The following KCNIP1 variants were observed in gnomAD, a reference collection of about 807,000 sequenced individuals.
The protein encoded by KCNIP1 is potassium voltage-gated channel interacting protein 1, also known as A-type potassium channel modulatory protein KCNIP1.
KCNIP1 carries 18 observed loss-of-function variants against 33.0 expected under a neutral mutation model. The observed-to-expected ratio is 0.55, with a 90% CI of 0.38 to 0.81. The LOEUF is 0.81. Ranked by LOEUF, KCNIP1 falls within the 30% of genes least tolerant of loss-of-function variation. The pLI, the probability that KCNIP1 is intolerant of heterozygous loss-of-function variation, is 0.00. For missense variants in KCNIP1, 238 were observed against 271.6 expected (o/e 0.88, Z 0.87); for synonymous variants, 93 against 98.3 (o/e 0.95, Z 0.32).
At chr5:170,389,210 C>T (rs1276244370) in intron 1 of KCNIP1, 4 of 152,254 alleles carry the variant, frequency 2.6e-5, no homozygotes, top group Non-Finnish European at 4.4e-5. Flanking sequence ...CCCTCCAGCC[C>T]GGTCTTCAGA....
At chr5:170,379,052 A>T in intron 1 of KCNIP1, 1 of 1,523,318 alleles carries the variant, frequency 6.6e-7, no homozygotes, top group Non-Finnish European at 8.8e-7. Flanking sequence ...AGTAAAGAAA[A>T]ATACCAGCTT....
intron 1 of KCNIP1, among the ~76,000 whole-genome samples, chr5:170,660,953 G>C (rs1282571455): frequency 6.6e-6 from 1 of 152,246 alleles, no homozygotes; most frequent in African/African-American, 2.4e-5. Flanking sequence ...AATGGGGCCT[G>C]CAGAGGATTT....
intron 1 of KCNIP1, among the ~76,000 whole-genome samples, chr5:170,396,574 A>G (rs1754767607): frequency 1.3e-5 from 2 of 152,246 alleles, no homozygotes; most frequent in Non-Finnish European, 2.9e-5. Flanking sequence ...AAGGCAGGAC[A>G]TCTCAAATGG....
At chr5:170,475,253 C>A (rs895349940) in intron 1 of KCNIP1, among the ~76,000 whole-genome samples, 1 of 152,258 alleles carries the variant, frequency 6.6e-6, no homozygotes, top group Admixed American at 6.5e-5. Flanking sequence ...CTCAGTGTGA[C>A]CAACCTCCAA....
At chr5:170,660,665 CCTT>C (rs1418077597) in intron 1 of KCNIP1, among the ~76,000 whole-genome samples, 1 of 152,204 alleles carries the variant, frequency 6.6e-6, no homozygotes, top group African/African-American at 2.4e-5. Context: ...TGGGTCCTCT[CCTT>C]CTTCTTGTCA....
intron 1 of KCNIP1, among the ~76,000 whole-genome samples, chr5:170,426,407 C>T (rs1366902548): frequency 2.6e-5 from 4 of 152,186 alleles, no homozygotes; most frequent in Non-Finnish European, 4.4e-5. Flanking sequence ...GAAGCCTGAC[C>T]TTGTCTTGCT....
intron 1 of KCNIP1, among the ~76,000 whole-genome samples, chr5:170,631,645 C>T (rs1159302667): frequency 6.6e-6 from 1 of 152,220 alleles, no homozygotes; most frequent in African/African-American, 2.4e-5. Context: ...TGTCATTGCT[C>T]ATCATGAATG....
chr5:170,421,319 C>T (rs566095256), intron 1 of KCNIP1, among the ~76,000 whole-genome samples: 17 of 152,306 alleles, frequency 1.1e-4, no homozygotes, highest in South Asian at 2.1e-4. Context: ...TTCTTTCACA[C>T]CCAGTTTCGC....
chr5:170,578,585 C>T (rs922605928), intron 1 of KCNIP1, among the ~76,000 whole-genome samples: 6 of 152,090 alleles, frequency 3.9e-5, no homozygotes, highest in South Asian at 2.1e-4. Context: ...GAGCTGGCAG[C>T]GTTTATCTAA....
At chr5:170,583,797 G>A (rs1486948716) in intron 1 of KCNIP1, among the ~76,000 whole-genome samples, 2 of 152,128 alleles carry the variant, frequency 1.3e-5, no homozygotes, top group East Asian at 3.8e-4. Context: ...CTTTATCTCT[G>A]TCCCCCAGTA....
intron 3 of KCNIP1, among the ~76,000 whole-genome samples, chr5:170,721,434 C>T (rs959316631): frequency 1.3e-5 from 2 of 152,140 alleles, no homozygotes; most frequent in African/African-American, 4.8e-5. Flanking sequence ...GCTTGATGCC[C>T]ACAGTCACAT....
chr5:170,504,732 C>CGTGGAGAGGAGAG lies in KCNIP1; in HGVS notation c.61+99_61+100insGTGGAGAGGAGAG. The CGTGGAGAGGAGAG allele has an allele frequency of 1.0e-6, 1 of 995,944 alleles. No homozygotes were observed. Among genetic ancestry groups the CGTGGAGAGGAGAG allele is most frequent in the Non-Finnish European group, 1.6e-6 (1 of 627,874 alleles). 61.7% of individuals were successfully genotyped at this position (995,944 alleles called of 1,614,324 possible). ...TGCCTCCCTTAGTCCGGACTCTCCT[C>CGTGGAGAGGAGAG]TCCACGAGGAGCCCGGACAGGTGCT... On this transcript the variant is annotated intron_variant, in intron 1 of 7. Transcript: ENST00000328939. The surrounding 1 kb of genome is among the most constrained non-coding windows in gnomAD (Gnocchi z 6.0).
chr5:170,453,777 C>T (rs543495066), intron 1 of KCNIP1, among the ~76,000 whole-genome samples: 5 of 152,194 alleles, frequency 3.3e-5, no homozygotes, highest in African/African-American at 1.2e-4. Flanking sequence ...AAGACTTCCA[C>T]GTGGCAAGGA....
intron 1 of KCNIP1, among the ~76,000 whole-genome samples, chr5:170,540,697 T>C (rs944481929): frequency 6.6e-6 from 1 of 152,144 alleles, no homozygotes. Context: ...CTTACCATGG[T>C]CCCACTCCTG....
chr5:170,638,932 G>A (rs2113691750), intron 1 of KCNIP1, among the ~76,000 whole-genome samples: 1 of 152,312 alleles, frequency 6.6e-6, no homozygotes, highest in South Asian at 2.1e-4. Flanking sequence ...CCAGGCCTAG[G>A]GGAGAGGCCG....
At chr5:170,445,575 G>A (rs781317652) in intron 1 of KCNIP1, among the ~76,000 whole-genome samples, 1 of 152,330 alleles carries the variant, frequency 6.6e-6, no homozygotes. Flanking sequence ...CTGAGGTACT[G>A]GGATAAAACT....
At chr5:170,445,175 G>A (rs1756084076) in intron 1 of KCNIP1, among the ~76,000 whole-genome samples, 1 of 152,170 alleles carries the variant, frequency 6.6e-6, no homozygotes, top group Non-Finnish European at 1.5e-5. Flanking sequence ...TTCCTGTGGG[G>A]CCCAGGGTTT....
intron 1 of KCNIP1, among the ~76,000 whole-genome samples, chr5:170,674,506 T>C (rs1280162341): frequency 6.6e-6 from 1 of 152,112 alleles, no homozygotes; most frequent in Non-Finnish European, 1.5e-5. Context: ...AGGCATCGAC[T>C]CCCGTTCTCC....
chr5:170,385,631 T>G (rs924957206), intron 1 of KCNIP1, among the ~76,000 whole-genome samples: 1 of 152,036 alleles, frequency 6.6e-6, no homozygotes, highest in Non-Finnish European at 1.5e-5. Flanking sequence ...TTGGACCCCA[T>G]GTAAGCCTTC....
Sources: allele counts gnomAD v4.1 joint callset (sites outside exome capture counted in the v4.1 genomes callset), GRCh38; gene constraint gnomAD v4.1.1; non-coding constraint Gnocchi (gnomAD v3.1); transcripts MANE v1.5; gene names NCBI Gene and HGNC (gene_info 2026-07-23, HGNC 2026-07-21).